SUDS3: variants seen among roughly 807,000 people sequenced by gnomAD.
SUDS3 encodes the protein SIN3A corepressor complex component SDS3.
In SUDS3, 23 loss-of-function variants were observed where a neutral mutation model predicts 53.5. The observed-to-expected ratio is 0.43, with a 90% CI of 0.31 to 0.61. The LOEUF (loss-of-function observed/expected upper bound fraction) is 0.61, where lower values mean the gene tolerates loss of function less well. Ranked by LOEUF, SUDS3 falls within the 20% of genes least tolerant of loss-of-function variation. The pLI is 0.10. For missense variants in SUDS3, 291 were observed against 405.9 expected, an observed-to-expected ratio of 0.72 and a Z score of 2.43; for synonymous variants, 150 against 148.5, an observed-to-expected ratio of 1.01 and a Z score of -0.08.
chr12:118,378,132 G>T (rs1297951617), intron 1 of SUDS3, among the ~76,000 whole-genome samples: 1 of 152,132 alleles, frequency 6.6e-6, no homozygotes, highest in South Asian at 2.1e-4. Context: ...TCCAGTATAG[G>T]GGCTATTAAA....
chr12:118,378,226 C>G (rs1313565396), intron 1 of SUDS3, among the ~76,000 whole-genome samples: 2 of 152,150 alleles, frequency 1.3e-5, no homozygotes, highest in Non-Finnish European at 2.9e-5. Context: ...ATCATCTGGC[C>G]TCCTCCTTGT....
chr12:118,398,609 G>A (rs1485931921), intron 6 of SUDS3, among the ~76,000 whole-genome samples: 1 of 132,022 alleles, frequency 7.6e-6, no homozygotes, highest in Non-Finnish European at 1.6e-5. Flanking sequence ...GCAACATGCA[G>A]AAGCCTTTTT....
intron 9 of SUDS3, among the ~76,000 whole-genome samples, chr12:118,403,090 A>C (rs1020923855): frequency 1.3e-5 from 2 of 152,176 alleles, no homozygotes; most frequent in African/African-American, 4.8e-5. Flanking sequence ...GATTTTCATA[A>C]TACTTGCCCT....
At chr12:118,397,241 C>A (rs542899697) in intron 6 of SUDS3, among the ~76,000 whole-genome samples, 8 of 152,196 alleles carry the variant, frequency 5.3e-5, no homozygotes, top group African/African-American at 1.9e-4. Flanking sequence ...GGTTGTCACA[C>A]CCCAGGGTCT....
At chr12:118,376,886 G>A (rs2046002078) in intron 1 of SUDS3, 53 bp downstream of exon 1, 5 of 1,459,000 alleles carry the variant, frequency 3.4e-6, no homozygotes, top group Non-Finnish European at 4.5e-6. Flanking sequence ...ACCGCTGGGG[G>A]AGGGGGTGGG....
chr12:118,397,392 G>A (rs984620097), intron 6 of SUDS3, among the ~76,000 whole-genome samples: 4 of 152,184 alleles, frequency 2.6e-5, no homozygotes, highest in African/African-American at 9.7e-5. Flanking sequence ...AGAACTTCCA[G>A]GTGCACTCAG....
At chr12:118,412,254 T>C (rs1440969535) in intron 11 of SUDS3, among the ~76,000 whole-genome samples, 1 of 152,222 alleles carries the variant, frequency 6.6e-6, no homozygotes, top group Admixed American at 6.5e-5. Flanking sequence ...TTAAAAACTT[T>C]AATAGCTGGA....
chr12:118,401,305 C>T (rs915831871), intron 7 of SUDS3, among the ~76,000 whole-genome samples: 1 of 152,182 alleles, frequency 6.6e-6, no homozygotes, highest in African/African-American at 2.4e-5. Context: ...GAATAGCTCT[C>T]TGCCCAAAAT....
At chr12:118,379,232 T>A in intron 1 of SUDS3, among the ~76,000 whole-genome samples, 1 of 150,802 alleles carries the variant, frequency 6.6e-6, no homozygotes. Context: ...AGGCCAGGAG[T>A]TCGAGACCAG....
At chr12:118,406,382 T>C (rs1456158490) in intron 10 of SUDS3, among the ~76,000 whole-genome samples, 2 of 152,214 alleles carry the variant, frequency 1.3e-5, no homozygotes, top group East Asian at 1.9e-4. Context: ...GACTCACTTA[T>C]TGGGGAAATA....
At chr12:118,402,346 T>C (rs1393923203) in intron 9 of SUDS3, 5 of 331,806 alleles carry the variant, frequency 1.5e-5, no homozygotes, top group Non-Finnish European at 2.8e-5. Context: ...TAAGTATTAC[T>C]GGCTTTCTAA....
intron 6 of SUDS3, among the ~76,000 whole-genome samples, chr12:118,399,692 G>A (rs747048380): frequency 4.6e-5 from 7 of 152,164 alleles, no homozygotes; most frequent in Non-Finnish European, 1.0e-4. Flanking sequence ...TGAACCTCAT[G>A]CCTGGATGAA....
intron 4 of SUDS3, 107 bp downstream of exon 4, chr12:118,386,292 AC>A: frequency 2.3e-6 from 2 of 883,180 alleles, no homozygotes; most frequent in Non-Finnish European, 3.5e-6. Context: ...TATCCCAGAT[AC>A]TCTGTCAGGG....
intron 6 of SUDS3, among the ~76,000 whole-genome samples, chr12:118,399,478 G>T (rs777519495): frequency 2.8e-4 from 42 of 152,204 alleles, no homozygotes; most frequent in Non-Finnish European, 5.9e-5. Context: ...CTCCAGCCTG[G>T]GTGAGAGAGT....
At chr12:118,393,460 G>GTACT (rs1479236106) in intron 6 of SUDS3, among the ~76,000 whole-genome samples, 1 of 152,148 alleles carries the variant, frequency 6.6e-6, no homozygotes, top group Non-Finnish European at 1.5e-5. Context: ...TTGGCAGGAT[G>GTACT]TACTGTTCAC....
At chr12:118,385,368 C>CA (rs1207736235) in intron 3 of SUDS3, among the ~76,000 whole-genome samples, 1 of 152,210 alleles carries the variant, frequency 6.6e-6, no homozygotes, top group East Asian at 1.9e-4. Context: ...CTCAGCCTCT[C>CA]AAAGTGCTGG....
chr12:118,412,605 C>T (rs887459357), intron 11 of SUDS3, among the ~76,000 whole-genome samples: 3 of 152,154 alleles, frequency 2.0e-5, no homozygotes, highest in Admixed American at 6.5e-5. Context: ...AGAGGTGTCA[C>T]GATTTCATGG....
chr12:118,395,093 A>G (rs1471738907), intron 6 of SUDS3, among the ~76,000 whole-genome samples: 1 of 152,106 alleles, frequency 6.6e-6, no homozygotes, highest in Non-Finnish European at 1.5e-5. Context: ...GGGTGTCAAG[A>G]CAAGAGGAAG....
At chr12:118,384,222 A>T (rs1007817314) in intron 3 of SUDS3, among the ~76,000 whole-genome samples, 155 bp downstream of exon 3, 1 of 152,182 alleles carries the variant, frequency 6.6e-6, no homozygotes, top group Non-Finnish European at 1.5e-5. Context: ...TGCTGTCAGT[A>T]AAGTGGTGAT....
Sources: gnomAD v4.1 joint callset for allele counts (sites outside exome capture counted in the v4.1 genomes callset) on GRCh38, gnomAD v4.1.1 for gene constraint, MANE v1.5 for transcripts, NCBI Gene and HGNC (gene_info 2026-07-23, HGNC 2026-07-21) for gene names.